Variants in PLB1 observed in about 807,000 individuals in gnomAD.
PLB1 encodes phospholipase B1, also known as phospholipase B1, membrane-associated.
A neutral mutation model predicts 227.4 loss-of-function variants in PLB1; 242 were observed. That is an observed-to-expected ratio of 1.06 (90% CI 0.96 to 1.18). The LOEUF (loss-of-function observed/expected upper bound fraction) is 1.18. PLB1 is among the 50% of genes most tolerant of loss of function. The pLI, the probability that PLB1 is intolerant of heterozygous loss-of-function variation, is 0.00. For missense variants in PLB1, 1,858 were observed against 1,816.3 expected (o/e 1.02, Z -0.42); for synonymous variants, 757 against 682.2 (o/e 1.11, Z -1.71).
At chr2:28,536,182 A>G (rs1240913308) in intron 9 of PLB1, among the ~76,000 whole-genome samples, 1 of 152,206 alleles carries the variant, frequency 6.6e-6, no homozygotes, top group Non-Finnish European at 1.5e-5. Context: ...GAAATAAACA[A>G]GGGCCTGTGT....
intron 1 of PLB1, among the ~76,000 whole-genome samples, chr2:28,511,791 T>TG (rs1392608637): frequency 1.3e-5 from 2 of 149,852 alleles, no homozygotes; most frequent in East Asian, 3.9e-4. Context: ...ATTTTATCTT[T>TG]TTTTTTTTTT....
intron 35 of PLB1, among the ~76,000 whole-genome samples, chr2:28,600,216 A>G (rs796339339): frequency 2.0e-5 from 3 of 152,206 alleles, no homozygotes; most frequent in South Asian, 4.1e-4. Context: ...GCCACCTTCC[A>G]TAAATTATAA....
In PLB1 at chr2:28,606,693, T is replaced by C. The variant is rs942763385; in HGVS notation, c.3129+126T>C. 1.8e-5 allele frequency: 15 copies of C among 851,708 alleles called. No homozygotes were observed. In the African/African-American group the frequency reaches 2.2e-4, roughly 12 times the overall value. 52.8% of individuals were successfully genotyped at this position (851,708 alleles called of 1,614,324 possible). ...GCCCCCTTACTGAGGCCTGAGAGAT[T>C]TGGAGGATGGAGGGGAGTCCATGAG... On this transcript the variant is annotated intron_variant, in intron 43 of 57. Coordinates refer to ENST00000327757, the MANE Select transcript of PLB1 (RefSeq NM_153021.5).
At chr2:28,638,827 GA>G (rs35972276) in intron 56 of PLB1, among the ~76,000 whole-genome samples, 6,856 of 63,526 alleles carry the variant, frequency 0.11, 560 homozygotes, top group African/African-American at 0.34. Context: ...GCTGGAGATT[GA>G]AAAAAAAAAA....
chr2:28,576,879 C>T (rs533168615), intron 21 of PLB1, among the ~76,000 whole-genome samples: 4 of 152,274 alleles, frequency 2.6e-5, no homozygotes, highest in South Asian at 2.1e-4. Flanking sequence ...TCCAGGTAAT[C>T]GAATACCTAG....
intron 46 of PLB1, 57 bp downstream of exon 46, chr2:28,618,456 C>T: frequency 1.9e-6 from 3 of 1,548,346 alleles, no homozygotes; most frequent in Non-Finnish European, 2.7e-6. Context: ...AGGCCCTGCG[C>T]AGAATCTGTG....
At chr2:28,556,908 T>C (rs1002717907) in intron 17 of PLB1, among the ~76,000 whole-genome samples, 5 of 152,172 alleles carry the variant, frequency 3.3e-5, no homozygotes, top group African/African-American at 1.2e-4. Flanking sequence ...TTGGCTAAAA[T>C]CAGCTCTTCA....
chr2:28,581,462 A>C (rs1679925949), intron 23 of PLB1, among the ~76,000 whole-genome samples: 1 of 148,858 alleles, frequency 6.7e-6, no homozygotes, highest in Non-Finnish European at 1.5e-5. Context: ...GTGGATATGG[A>C]GTAGATCCAG....
chr2:28,525,873 C>T, intron 5 of PLB1, 32 bp from the exon 6 acceptor site: 2 of 1,613,004 alleles, frequency 1.2e-6, no homozygotes. Flanking sequence ...ACAAATGCAG[C>T]CTGACACTCA....
chr2:28,633,144 C>G lies in PLB1; in HGVS notation c.4098+105C>G, dbSNP rs111339137. The G allele has an allele frequency of 3.6e-4, 339 of 929,578 alleles. 3 individuals are homozygous for G. In the African/African-American group the frequency reaches 4.8e-3, roughly 13 times the overall value. The allele number at this position is 929,578 out of a possible 1,614,324, so 57.6% of individuals were successfully genotyped here. ...ACTGGAGACATGGCTCCTTTCTCCCCAAAGCCCAAAGTGGCAGCACACCTT... is the reference window on the plus strand; with the variant it reads ...ACTGGAGACATGGCTCCTTTCTCCCGAAAGCCCAAAGTGGCAGCACACCTT... On this transcript the variant is annotated intron_variant, in intron 56 of 57. Transcript: ENST00000327757.
At chr2:28,612,578 C>T (rs1252375392) in intron 43 of PLB1, among the ~76,000 whole-genome samples, 1 of 151,006 alleles carries the variant, frequency 6.6e-6, no homozygotes, top group Non-Finnish European at 1.5e-5. Flanking sequence ...AGGTATGAGA[C>T]GAGATCACTT....
intron 45 of PLB1, among the ~76,000 whole-genome samples, chr2:28,618,134 G>C (rs1284192538): frequency 1.3e-5 from 2 of 152,226 alleles, no homozygotes; most frequent in Non-Finnish European, 2.9e-5. Flanking sequence ...AGGCTCTTCT[G>C]AGGGTGGATG....
chr2:28,623,360 AG>A (rs1479711532), intron 49 of PLB1, among the ~76,000 whole-genome samples: 3 of 151,942 alleles, frequency 2.0e-5, no homozygotes, highest in African/African-American at 7.3e-5. Context: ...GAAGATGGCT[AG>A]GAAGAGGGGA....
At chr2:28,516,913 G>GA (rs757871194) in intron 2 of PLB1, 44 bp downstream of exon 2, 2 of 1,587,378 alleles carry the variant, frequency 1.3e-6, no homozygotes, top group Admixed American at 1.7e-5. Flanking sequence ...ATGGAGGGGA[G>GA]AGGGAGGATT....
At chr2:28,572,347 C>A (rs11678038) in intron 20 of PLB1, among the ~76,000 whole-genome samples, 3,787 of 152,264 alleles carry the variant, frequency 0.025, 102 homozygotes, top group African/African-American at 0.051. Context: ...CCTGGCAGTT[C>A]CTCAAAAGGT....
intron 34 of PLB1, among the ~76,000 whole-genome samples, chr2:28,598,397 A>G (rs752724923): frequency 4.6e-5 from 7 of 152,146 alleles, no homozygotes; most frequent in Non-Finnish European, 1.0e-4. Context: ...CCTTCAATGC[A>G]CTGTGAATTG....
chr2:28,595,824 TA>T (rs1383844546), intron 33 of PLB1: 2 of 151,504 alleles, frequency 1.3e-5, no homozygotes, highest in Non-Finnish European at 2.9e-5. Flanking sequence ...AGGGGAGAAG[TA>T]GACCCAGAAT....
chr2:28,546,535 T>TC (rs1673292269), intron 14 of PLB1, among the ~76,000 whole-genome samples: 2 of 152,164 alleles, frequency 1.3e-5, no homozygotes, highest in Admixed American at 6.5e-5. Context: ...GCCCCGGTTG[T>TC]CCCTGGAGTA....
At chr2:28,556,452 A>G (rs1675141739) in intron 17 of PLB1, among the ~76,000 whole-genome samples, 1 of 152,202 alleles carries the variant, frequency 6.6e-6, no homozygotes, top group East Asian at 1.9e-4. Flanking sequence ...GTAAAAACTA[A>G]AAACTTGCAA....
Sources: allele counts gnomAD v4.1 joint callset (sites outside exome capture counted in the v4.1 genomes callset), GRCh38; gene constraint gnomAD v4.1.1; transcripts MANE v1.5; gene names NCBI Gene and HGNC (gene_info 2026-07-23, HGNC 2026-07-21).